Variants in HOMER2 observed in about 807,000 individuals in gnomAD.
HOMER2 encodes homer scaffold protein 2.
A neutral mutation model predicts 47.0 loss-of-function variants in HOMER2; 27 were observed. The observed-to-expected ratio is 0.57, with a 90% CI of 0.42 to 0.79. The LOEUF (loss-of-function observed/expected upper bound fraction) is 0.79, where lower values mean the gene tolerates loss of function less well. HOMER2 is among the 30% of genes least tolerant of loss of function. The pLI is 0.00. For missense variants in HOMER2, 443 were observed against 435.0 expected, an observed-to-expected ratio of 1.02 and a Z score of -0.16; for synonymous variants, 161 against 163.8, an observed-to-expected ratio of 0.98 and a Z score of 0.13.
intron 3 of HOMER2, among the ~76,000 whole-genome samples, chr15:82,874,998 G>A (rs1289707047): frequency 6.6e-6 from 1 of 152,146 alleles, no homozygotes; most frequent in Non-Finnish European, 1.5e-5. Flanking sequence ...AGGGAGCAGT[G>A]GCTGACACCT....
intron 1 of HOMER2, among the ~76,000 whole-genome samples, chr15:82,970,457 T>G (rs141981866): frequency 6.6e-6 from 1 of 152,228 alleles, no homozygotes; most frequent in Non-Finnish European, 1.5e-5. Flanking sequence ...CAAGGCTAAA[T>G]TGGACTCCAC....
rs188533309 is a variant in HOMER2 at position 82,913,345 on chromosome 15, G to A, written c.6-20504C>T. On this transcript the variant is annotated intron_variant, in intron 1 of 8. Coordinates refer to ENST00000450735, the MANE Select transcript of HOMER2 (RefSeq NM_004839.4). The surrounding 1 kb of genome is among the most constrained non-coding windows in gnomAD (Gnocchi z 4.1). ...TTTTTAACAGCAAACATTGCCTGAT[G>A]TAGTCTGATCATCTTGAAGAAGCCT... Among the ~76,000 whole-genome samples, 9 of 152,044 alleles carry A rather than the reference G, an allele frequency of 5.9e-5. No individual in the cohort carries two copies. The highest frequency in any genetic ancestry group is 3.9e-4 in the East Asian group (2 of 5,172).
intron 1 of HOMER2, among the ~76,000 whole-genome samples, chr15:82,909,967 T>C (rs2053405184): frequency 2.0e-5 from 3 of 151,640 alleles, no homozygotes; most frequent in African/African-American, 7.3e-5. Flanking sequence ...AAACCCCGTC[T>C]CTACTAAAAA....
intron 1 of HOMER2, among the ~76,000 whole-genome samples, chr15:82,922,496 T>C (rs898856135): frequency 2.6e-5 from 4 of 152,158 alleles, no homozygotes; most frequent in African/African-American, 9.7e-5. Context: ...AGCACAAAAA[T>C]AGTTTGTGTC....
At chr15:82,839,577 C>T (rs1273318039) in exon 2 of HOMER2, 1 of 152,130 alleles carries the variant, frequency 6.6e-6, no homozygotes, top group Non-Finnish European at 1.5e-5. Context: ...AGGTAAAATT[C>T]ACAAAGGTAT....
At chr15:82,960,176 G>A (rs941428785) in intron 1 of HOMER2, among the ~76,000 whole-genome samples, 11 of 152,184 alleles carry the variant, frequency 7.2e-5, no homozygotes, top group Admixed American at 7.2e-4. Context: ...AACCGGAGAC[G>A]TTGGGTAGAG....
chr15:82,859,307 T>TGTTTG, intron 4 of HOMER2, 172 bp from the exon 5 acceptor site: 1 of 887,816 alleles, frequency 1.1e-6, no homozygotes, highest in Non-Finnish European at 1.7e-6. Flanking sequence ...AGTTTTTGTT[T>TGTTTG]TTTTTTTAAA....
intron 2 of HOMER2, among the ~76,000 whole-genome samples, chr15:82,891,542 C>T (rs1313080898): frequency 1.3e-5 from 2 of 152,138 alleles, no homozygotes; most frequent in East Asian, 1.9e-4. Flanking sequence ...TCCCTGGAGG[C>T]TTCCCCACAC....
At chr15:82,870,148 A>C (rs1421922479) in intron 3 of HOMER2, among the ~76,000 whole-genome samples, 2 of 152,228 alleles carry the variant, frequency 1.3e-5, no homozygotes, top group African/African-American at 4.8e-5. Flanking sequence ...GACCTGAAGC[A>C]AACACTACTG....
At chr15:82,967,926 A>G (rs1271086030) in intron 1 of HOMER2, among the ~76,000 whole-genome samples, 1 of 152,176 alleles carries the variant, frequency 6.6e-6, no homozygotes, top group Non-Finnish European at 1.5e-5. Flanking sequence ...AAGCAGAGAT[A>G]TCTCACTGCA....
intron 1 of HOMER2, among the ~76,000 whole-genome samples, chr15:82,903,986 A>G (rs926930607): frequency 1.3e-5 from 2 of 151,978 alleles, no homozygotes; most frequent in South Asian, 2.1e-4. Context: ...AAAATACAAA[A>G]ATTAGCCTGG....
chr15:82,943,650 T>C (rs936631524), intron 1 of HOMER2, among the ~76,000 whole-genome samples: 2 of 151,970 alleles, frequency 1.3e-5, no homozygotes, highest in East Asian at 1.9e-4. Flanking sequence ...GGCAGTGGGG[T>C]CTGCAATATT....
Position 82,851,198 on chromosome 15 carries a change from T to TAC in HOMER2, c.795_796insGT (p.Ile266ValfsTer16). On this transcript the variant is annotated frameshift_variant, in exon 8 of 9. Transcript: ENST00000450735. LOFTEE classifies it high-confidence loss of function. ...TCGCACTCTGACATGAGCTGAGGTA[T>TAC]GATTTCACTTTGTTTTCGGAGATCT... is the stretch of plus-strand genomic sequence containing the variant. 6.4e-7 allele frequency: 1 copy of TAC among 1,570,264 alleles called. No individual in the cohort carries two copies. Among genetic ancestry groups the TAC allele is most frequent in the Non-Finnish European group, 8.7e-7 (1 of 1,155,938 alleles).
intron 3 of HOMER2, among the ~76,000 whole-genome samples, chr15:82,866,580 CA>C: frequency 6.6e-6 from 1 of 152,306 alleles, no homozygotes; most frequent in South Asian, 2.1e-4. Context: ...TGTCCCCAAC[CA>C]AATCTCATCT....
intron 1 of HOMER2, among the ~76,000 whole-genome samples, chr15:82,971,090 T>C (rs2029970273): frequency 6.6e-6 from 1 of 152,202 alleles, no homozygotes; most frequent in South Asian, 2.1e-4. Flanking sequence ...GTATTCCTCA[T>C]TGTAAATTAA....
chr15:82,955,412 G>A (rs1161517316), upstream of HOMER2, among the ~76,000 whole-genome samples: 4 of 151,582 alleles, frequency 2.6e-5, no homozygotes, highest in African/African-American at 9.7e-5. Flanking sequence ...CTTGTGATCC[G>A]CCTGCCTCGG....
chr15:82,939,495 C>T (rs2054214758), intron 1 of HOMER2, among the ~76,000 whole-genome samples: 1 of 152,050 alleles, frequency 6.6e-6, no homozygotes, highest in East Asian at 1.9e-4. Context: ...GGCAAAACCC[C>T]GTCTCTACTA....
intron 1 of HOMER2, among the ~76,000 whole-genome samples, chr15:82,930,086 C>T (rs774794559): frequency 6.6e-6 from 1 of 152,200 alleles, no homozygotes; most frequent in Non-Finnish European, 1.5e-5. Flanking sequence ...AAGTTGTACT[C>T]TTGAAATAAA....
intron 1 of HOMER2, among the ~76,000 whole-genome samples, chr15:82,984,189 C>T (rs572130628): frequency 2.0e-5 from 3 of 152,018 alleles, no homozygotes; most frequent in Non-Finnish European, 4.4e-5. Context: ...CCGGCCACCA[C>T]GCCCAGCTAA....
Sources: allele counts gnomAD v4.1 joint callset (sites outside exome capture counted in the v4.1 genomes callset), GRCh38; gene constraint gnomAD v4.1.1; non-coding constraint Gnocchi (gnomAD v3.1); transcripts MANE v1.5; gene names NCBI Gene and HGNC (gene_info 2026-07-23, HGNC 2026-07-21).